AKAP10: variants seen among roughly 807,000 people sequenced by gnomAD.
AKAP10 encodes the protein A-kinase anchor protein 10, mitochondrial.
Under a neutral mutation model 80.8 loss-of-function variants are expected in AKAP10, and 24 were observed. The ratio of observed to expected loss-of-function variants is 0.30; its 90% CI spans 0.22 to 0.42. The LOEUF (loss-of-function observed/expected upper bound fraction) is 0.42, where lower values mean the gene tolerates loss of function less well. AKAP10 is among the 10% of genes least tolerant of loss of function. AKAP10 has a pLI of 1.00. For synonymous variants in AKAP10, 291 were observed against 277.7 expected (o/e 1.05, Z -0.48); for missense variants, 661 against 794.9 (o/e 0.83, Z 2.03).
chr17:19,929,999 C>CA (rs11365343), intron 10 of AKAP10, among the ~76,000 whole-genome samples: 2,196 of 81,710 alleles, frequency 0.027, 25 homozygotes, highest in South Asian at 0.055. Context: ...CAACAAAAAC[C>CA]AAAAAAAAAA....
chr17:19,977,613 T>C lies in AKAP10; in HGVS notation c.67A>G (p.Met23Val), dbSNP rs1411745485. ...CTACCTTTCCGCCGGAAGAAGGACATGGCGGGGCCCGGGTCGGGACGGAGG... is the reference window on the plus strand; with the variant it reads ...CTACCTTTCCGCCGGAAGAAGGACACGGCGGGGCCCGGGTCGGGACGGAGG... ...RTLRPDPGPA[M>V]SFFRRKVKGK... The change falls in exon 1 of 15, where the codon ATG (methionine) becomes GTG (valine). Residue 23 changes from methionine to valine, a missense_variant. Coordinates refer to ENST00000225737, the MANE Select transcript of AKAP10 (RefSeq NM_007202.4). 1.6e-6 allele frequency: 2 copies of C among 1,234,676 alleles called. No individual in the cohort carries two copies. Among genetic ancestry groups the C allele is most frequent in the Non-Finnish European group, 2.0e-6 (2 of 987,826 alleles). The allele number at this position is 1,234,676 out of a possible 1,614,324, so 76.5% of individuals were successfully genotyped here.
intron 8 of AKAP10, among the ~76,000 whole-genome samples, chr17:19,938,701 C>T (rs1234200580): frequency 3.3e-5 from 5 of 151,694 alleles, no homozygotes; most frequent in African/African-American, 4.8e-5. Flanking sequence ...TTAGCATTTG[C>T]TTAAGGATAC....
intron 4 of AKAP10, among the ~76,000 whole-genome samples, chr17:19,954,414 C>T (rs915615291): frequency 6.6e-5 from 10 of 151,632 alleles, no homozygotes; most frequent in African/African-American, 1.7e-4. Flanking sequence ...AAAAATCTGA[C>T]GTAACCCTCA....
intron 12 of AKAP10, among the ~76,000 whole-genome samples, chr17:19,910,260 A>G (rs2042674772): frequency 1.4e-5 from 2 of 145,952 alleles, no homozygotes; most frequent in Non-Finnish European, 3.0e-5. Context: ...CTGGGAGCAG[A>G]GGTTGAAGCG....
At chr17:19,969,133 C>G (rs988053755) in intron 1 of AKAP10, among the ~76,000 whole-genome samples, 1 of 152,148 alleles carries the variant, frequency 6.6e-6, no homozygotes, top group Admixed American at 6.6e-5. Context: ...CACCTGAGGT[C>G]AGTAGCTCAA....
At chr17:19,944,653 AAAAC>A (rs757662607) in intron 5 of AKAP10, among the ~76,000 whole-genome samples, 524 of 152,288 alleles carry the variant, frequency 3.4e-3, no homozygotes, top group African/African-American at 0.011. Context: ...CTCCGTCTCA[AAAAC>A]AAACAAACAA....
At chr17:19,976,145 A>T (rs778078805) in intron 1 of AKAP10, among the ~76,000 whole-genome samples, 1 of 152,230 alleles carries the variant, frequency 6.6e-6, no homozygotes, top group Non-Finnish European at 1.5e-5. Flanking sequence ...AGTTAGCAGC[A>T]GAGCTGTCAT....
intron 12 of AKAP10, among the ~76,000 whole-genome samples, chr17:19,915,803 T>G (rs1341568426): frequency 6.6e-6 from 1 of 152,246 alleles, no homozygotes; most frequent in African/African-American, 2.4e-5. Context: ...GCAAGAATGT[T>G]GTTTCTCTGC....
intron 10 of AKAP10, among the ~76,000 whole-genome samples, chr17:19,930,272 G>T (rs1255397608): frequency 6.6e-6 from 1 of 152,122 alleles, no homozygotes; most frequent in Non-Finnish European, 1.5e-5. Context: ...ACTAGAAGGG[G>T]AATATTTCTG....
At chr17:19,967,147 G>C (rs1274828982) in intron 2 of AKAP10, among the ~76,000 whole-genome samples, 1 of 152,054 alleles carries the variant, frequency 6.6e-6, no homozygotes, top group African/African-American at 2.4e-5. Flanking sequence ...GAAATAAATT[G>C]ATGAAATTAA....
chr17:19,910,092 C>T, intron 12 of AKAP10, 114 bp from the exon 13 acceptor site: 1 of 951,504 alleles, frequency 1.1e-6, no homozygotes, highest in African/African-American at 1.6e-5. Flanking sequence ...CTTTGGGAGG[C>T]CGAGGTGGGT....
chr17:19,907,932 C>T (rs976458209), intron 14 of AKAP10, among the ~76,000 whole-genome samples: 20 of 151,436 alleles, frequency 1.3e-4, no homozygotes, highest in Non-Finnish European at 1.5e-5. Context: ...GGTGCGATCT[C>T]GGCTCACTGC....
intron 4 of AKAP10, among the ~76,000 whole-genome samples, chr17:19,956,001 C>G (rs187170721): frequency 2.2e-4 from 34 of 152,260 alleles, no homozygotes; most frequent in Non-Finnish European, 4.6e-4. Flanking sequence ...GTGCCCTTAT[C>G]TTAAACATTT....
intron 14 of AKAP10, among the ~76,000 whole-genome samples, chr17:19,907,410 C>CTTTTTTTTTTTT (rs59027197): frequency 7.3e-6 from 1 of 136,412 alleles, no homozygotes; most frequent in African/African-American, 2.7e-5. Context: ...TTTTCTTTAA[C>CTTTTTTTTTTTT]TTTTTTTTTT....
intron 12 of AKAP10, among the ~76,000 whole-genome samples, chr17:19,915,955 G>T (rs2152410227): frequency 6.6e-6 from 1 of 152,272 alleles, no homozygotes; most frequent in Non-Finnish European, 1.5e-5. Flanking sequence ...ACACTTTCAA[G>T]TCCTTGCCAT....
rs148646892 is a variant in AKAP10, at chr17:19,908,551, C to T, written c.1983+630G>A. On this transcript the variant is annotated intron_variant, in intron 14 of 14. Transcript: ENST00000225737. ...TCCTAGGCCAAGGATCCATGGGAAT[C>T]TCTCTAAATATCTCTACGGCTTTCT... Among the ~76,000 whole-genome samples, 231 of 152,310 alleles carry T rather than the reference C, an allele frequency of 1.5e-3. 2 individuals carry two copies. The highest frequency in any genetic ancestry group is 5.2e-3 in the African/African-American group (217 of 41,572).
At chr17:19,947,173 A>G in intron 5 of AKAP10, 6 of 489,298 alleles carry the variant, frequency 1.2e-5, no homozygotes, top group Non-Finnish European at 1.5e-5. Context: ...GGCAGGCCTG[A>G]GCACCCGCTA....
At chr17:19,945,808 T>C (rs911300866) in intron 5 of AKAP10, among the ~76,000 whole-genome samples, 1 of 152,134 alleles carries the variant, frequency 6.6e-6, no homozygotes, top group Non-Finnish European at 1.5e-5. Context: ...CAAGAACATG[T>C]CTTATTTCAT....
chr17:19,941,795 A>T (rs2043053101), intron 6 of AKAP10, 31 bp downstream of exon 6: 1 of 1,509,720 alleles, frequency 6.6e-7, no homozygotes, highest in South Asian at 1.4e-5. Context: ...ATTCCCTAGG[A>T]TGCACAATGT....
Sources: gnomAD v4.1 joint callset for allele counts (sites outside exome capture counted in the v4.1 genomes callset) on GRCh38, gnomAD v4.1.1 for gene constraint, MANE v1.5 for transcripts, NCBI Gene and HGNC (gene_info 2026-07-23, HGNC 2026-07-21) for gene names.